The following NEGR1 variants were observed in gnomAD, a reference collection of about 807,000 sequenced individuals.
NEGR1 encodes the protein IgLON family member 4.
Under a neutral mutation model 40.9 loss-of-function variants are expected in NEGR1, and 10 were observed. The ratio of observed to expected loss-of-function variants is 0.24; its 90% CI spans 0.15 to 0.42. The LOEUF (loss-of-function observed/expected upper bound fraction) is 0.42. Among genes scored for constraint, NEGR1 ranks in the 10% least tolerant of loss-of-function variants. The pLI is 1.00. For synonymous variants in NEGR1, 185 were observed against 166.8 expected, an observed-to-expected ratio of 1.11 and a Z score of -0.84; for missense variants, 352 against 438.9, an observed-to-expected ratio of 0.80 and a Z score of 1.77.
rs190174099 is a variant in NEGR1, at chr1:71,971,222, G to A, written c.177-35911C>T. ...GAGGTGTCAGTGTTAGCGTGGTGCT[G>A]TCGGTACACTGATTTCTGATTTCTA... is the stretch of plus-strand genomic sequence containing the variant. On this transcript the variant is annotated intron_variant, in intron 1 of 6. Transcript: ENST00000357731. Among the ~76,000 whole-genome samples, 416 of 152,346 alleles carry A rather than the reference G, an allele frequency of 2.7e-3. 6 individuals are homozygous for A. Among genetic ancestry groups the A allele is most frequent in the Admixed American group, 5.2e-3 (80 of 15,306 alleles).
intron 2 of NEGR1, among the ~76,000 whole-genome samples, chr1:71,798,651 G>A (rs1185997241): frequency 6.6e-6 from 1 of 152,270 alleles, no homozygotes; most frequent in East Asian, 1.9e-4. Flanking sequence ...TTAACTAGGA[G>A]ATCTAGGATT....
intron 1 of NEGR1, among the ~76,000 whole-genome samples, chr1:72,226,728 C>T (rs11803133): frequency 0.017 from 2,568 of 151,980 alleles, 86 homozygotes; most frequent in African/African-American, 0.059. Flanking sequence ...ATCCATAATG[C>T]TTTTTTGAAA....
intron 1 of NEGR1, among the ~76,000 whole-genome samples, chr1:72,257,126 T>A (rs1337455265): frequency 1.3e-5 from 2 of 151,716 alleles, no homozygotes; most frequent in Non-Finnish European, 2.9e-5. Flanking sequence ...ATTGAGACCA[T>A]CCCGGCTAAA....
At position 71,611,042 on chromosome 1, in the gene NEGR1, AC is replaced by A; in HGVS notation, c.771del (p.Trp257CysfsTer31). 1 of 1,614,106 alleles carries A rather than the reference AC, an allele frequency of 6.2e-7. No homozygotes were observed. Among genetic ancestry groups the A allele is most frequent in the Non-Finnish European group, 8.5e-7 (1 of 1,179,966 alleles). On this transcript the variant is annotated frameshift_variant, in exon 5 of 7. Transcript: ENST00000357731. LOFTEE classifies it high-confidence loss of function. Reference protein sequence around the residue: ...GAGVPPPAFEWYKGEKKLFNG... With the variant: ...GAGVPPPAFEXYKGEKKLFNG... ...AGTCCTCACTTCTTCTCTCCTTTGT[AC>A]CATTCAAAGGCTGGAGGCGGCACAC...
intron 6 of NEGR1, among the ~76,000 whole-genome samples, chr1:71,572,663 T>C (rs1287587134): frequency 6.6e-6 from 1 of 152,206 alleles, no homozygotes; most frequent in East Asian, 1.9e-4. Flanking sequence ...TTTAAATTCA[T>C]CTCTATGTGT....
intron 6 of NEGR1, among the ~76,000 whole-genome samples, chr1:71,488,663 G>T (rs1646903993): frequency 6.6e-6 from 1 of 151,582 alleles, no homozygotes; most frequent in Non-Finnish European, 1.5e-5. Flanking sequence ...TTGTCACCAT[G>T]TAGCATGAAC....
intron 2 of NEGR1, among the ~76,000 whole-genome samples, chr1:71,834,605 C>T (rs1342371249): frequency 6.6e-6 from 1 of 151,944 alleles, no homozygotes; most frequent in African/African-American, 2.4e-5. Context: ...AACTGGCTTT[C>T]CTGGGCCCCC....
chr1:72,135,375 C>CAAAAAAAAAAAAAAA (rs71074819), intron 1 of NEGR1, among the ~76,000 whole-genome samples: 2 of 71,384 alleles, frequency 2.8e-5, no homozygotes, highest in African/African-American at 5.3e-5. Context: ...GACTCCGTCT[C>CAAAAAAAAAAAAAAA]AAAAAAAAAA....
chr1:71,660,573 A>G (rs1652021368), intron 4 of NEGR1, among the ~76,000 whole-genome samples: 1 of 152,222 alleles, frequency 6.6e-6, no homozygotes. Context: ...AATTCATTCA[A>G]TGTGTTCACA....
At chr1:72,144,983 T>G (rs1262749981) in intron 1 of NEGR1, among the ~76,000 whole-genome samples, 1 of 152,100 alleles carries the variant, frequency 6.6e-6, no homozygotes, top group African/African-American at 2.4e-5. Context: ...ACCTTACCTA[T>G]GTACTTGCAA....
chr1:71,885,804 G>T lies in NEGR1; in HGVS notation c.409+49275C>A, dbSNP rs570219483. ...GTAAAGTATTATAACTTTCTCTTTA[G>T]ACAGTTATCTGTTCTAGGTTTACCT... On this transcript the variant is annotated intron_variant, in intron 2 of 6. Transcript: ENST00000357731. Among the ~76,000 whole-genome samples the T allele has an allele frequency of 6.6e-5, 10 of 152,164 alleles. No homozygotes were observed. In the South Asian group the frequency reaches 1.9e-3, roughly 28 times the overall value.
At chr1:71,985,586 A>T (rs1023517729) in intron 1 of NEGR1, among the ~76,000 whole-genome samples, 2 of 152,168 alleles carry the variant, frequency 1.3e-5, no homozygotes, top group African/African-American at 4.8e-5. Context: ...TCTAGGGGAA[A>T]GAGGAAGGAT....
At chr1:72,190,276 G>C (rs1244608186) in intron 1 of NEGR1, among the ~76,000 whole-genome samples, 2 of 151,486 alleles carry the variant, frequency 1.3e-5, no homozygotes, top group African/African-American at 2.4e-5. Flanking sequence ...ATTTGTATTT[G>C]TATGTGTGTG....
At chr1:72,259,319 G>A (rs1017859488) in intron 1 of NEGR1, among the ~76,000 whole-genome samples, 5 of 152,098 alleles carry the variant, frequency 3.3e-5, no homozygotes, top group African/African-American at 9.7e-5. Context: ...ATGGTTAACG[G>A]ATAAGGATAA....
At chr1:71,938,931 G>A (rs1311846196) in intron 1 of NEGR1, among the ~76,000 whole-genome samples, 1 of 152,108 alleles carries the variant, frequency 6.6e-6, no homozygotes, top group Non-Finnish European at 1.5e-5. Context: ...GAACATTTTA[G>A]AGTTCAAATC....
intron 6 of NEGR1, among the ~76,000 whole-genome samples, chr1:71,505,963 G>T (rs1183734070): frequency 6.6e-6 from 1 of 152,012 alleles, no homozygotes; most frequent in Non-Finnish European, 1.5e-5. Flanking sequence ...AGAACAAATT[G>T]CAATTTTTAG....
intron 4 of NEGR1, among the ~76,000 whole-genome samples, chr1:71,689,779 G>C (rs1653189265): frequency 6.7e-6 from 1 of 150,238 alleles, no homozygotes; most frequent in South Asian, 2.1e-4. Context: ...TAATATGGCA[G>C]TCACAAATAA....
chr1:71,705,693 C>T (rs919615859), intron 3 of NEGR1, among the ~76,000 whole-genome samples: 2 of 151,000 alleles, frequency 1.3e-5, no homozygotes, highest in African/African-American at 4.9e-5. Context: ...GCACTCCAGC[C>T]TGGGCGACAG....
At chr1:71,981,088 T>G (rs530170106) in intron 1 of NEGR1, among the ~76,000 whole-genome samples, 91 of 152,284 alleles carry the variant, frequency 6.0e-4, no homozygotes, top group African/African-American at 2.2e-3. Context: ...AATTCATCAT[T>G]GTATCCCAAG....
Sources: gnomAD v4.1 joint callset for allele counts (sites outside exome capture counted in the v4.1 genomes callset) on GRCh38, gnomAD v4.1.1 for gene constraint, MANE v1.5 for transcripts, NCBI Gene and HGNC (gene_info 2026-07-23, HGNC 2026-07-21) for gene names.